KNL1: variants seen among roughly 807,000 people sequenced by gnomAD.
The protein encoded by KNL1 is kinetochore scaffold 1.
Under a neutral mutation model 201.3 loss-of-function variants are expected in KNL1, and 66 were observed. That is an observed-to-expected ratio of 0.33 (90% CI 0.27 to 0.40). The LOEUF is 0.40. Ranked by LOEUF, KNL1 falls within the 10% of genes least tolerant of loss-of-function variation. KNL1 has a pLI of 1.00. For synonymous variants in KNL1, 895 were observed against 899.2 expected (o/e 1.00, Z 0.08); for missense variants, 2,815 against 2,690.5 (o/e 1.05, Z -1.02).
At chr15:40,633,250 G>A (rs970628612) in intron 13 of KNL1, among the ~76,000 whole-genome samples, 2 of 148,794 alleles carry the variant, frequency 1.3e-5, no homozygotes, top group African/African-American at 5.0e-5. Flanking sequence ...GGCGGAGGCT[G>A]CAGTGAGCTG....
intron 21 of KNL1, among the ~76,000 whole-genome samples, chr15:40,653,444 G>C (rs996835671): frequency 6.6e-6 from 1 of 152,062 alleles, no homozygotes; most frequent in Non-Finnish European, 1.5e-5. Flanking sequence ...TGCCCACCTT[G>C]GCCTCCCAAA....
rs71104706 is a variant in KNL1 at position 40,617,975 on chromosome 15, T to TAAAAAAAAAA, written c.323-954_323-945dup. Among the ~76,000 whole-genome samples, 97 of 47,228 alleles carry TAAAAAAAAAA rather than the reference T, an allele frequency of 2.1e-3. 15 individuals carry two copies. The highest frequency in any genetic ancestry group is 2.4e-3 in the Non-Finnish European group (72 of 29,532). The allele number at this position is 47,228 out of a possible 152,430, so 31.0% of individuals were successfully genotyped here. A position where few individuals can be genotyped will look rare whatever the true frequency, so the allele number is the denominator to read the frequency against. ...CCTGAAATATAAATAAGGCTTTTAG[T>TAAAAAAAAAA]AAAAAAAAAAAAAAAAAAAAAAAAA... On this transcript the variant is annotated intron_variant, in intron 8 of 25. Transcript: ENST00000399668.
intron 1 of KNL1, among the ~76,000 whole-genome samples, chr15:40,595,536 C>T (rs1191155856): frequency 6.6e-6 from 1 of 152,136 alleles, no homozygotes; most frequent in Non-Finnish European, 1.5e-5. Flanking sequence ...ATGATAAATA[C>T]ATGTAAATTG....
chr15:40,641,785 C>G (rs970364387), intron 14 of KNL1, among the ~76,000 whole-genome samples: 3 of 152,170 alleles, frequency 2.0e-5, no homozygotes, highest in African/African-American at 7.2e-5. Flanking sequence ...ATATATAGTG[C>G]CTGAAATCAG....
chr15:40,600,327 G>C (rs1891753966), intron 1 of KNL1, among the ~76,000 whole-genome samples: 1 of 152,170 alleles, frequency 6.6e-6, no homozygotes, highest in African/African-American at 2.4e-5. Context: ...CATCCACCTT[G>C]GCCTCCCAAA....
At position 40,657,164 on chromosome 15, in the gene KNL1, T is replaced by C. The variant is rs1431662209; in HGVS notation, c.6594+13T>C. 6.6e-6 allele frequency: 10 copies of C among 1,509,898 alleles called. No individual in the cohort carries two copies. Among genetic ancestry groups the C allele is most frequent in the Non-Finnish European group, 9.1e-6 (10 of 1,102,086 alleles). 93.5% of individuals were successfully genotyped at this position (1,509,898 alleles called of 1,614,324 possible). On this transcript the variant is annotated intron_variant, in intron 23 of 25. Transcript: ENST00000399668. ...TCAGTTACCCAAGGTAAAGCCCGAT[T>C]GAAGTATTTAAAGGAAAATTTGTGA...
At chr15:40,661,126 C>T (rs774780820) in intron 25 of KNL1, among the ~76,000 whole-genome samples, 17 of 152,178 alleles carry the variant, frequency 1.1e-4, no homozygotes, top group Non-Finnish European at 1.9e-4. Flanking sequence ...GTAATCCCAG[C>T]ACTTTGGGAG....
chr15:40,629,421 TA>T (rs1458246776), intron 13 of KNL1, 50 bp downstream of exon 13: 2 of 1,190,120 alleles, frequency 1.7e-6, no homozygotes, highest in African/African-American at 1.7e-5. Context: ...AACATTTATT[TA>T]AAAGCACAAA....
chr15:40,645,580 C>A, intron 15 of KNL1, 76 bp from the exon 16 acceptor site: 1 of 678,160 alleles, frequency 1.5e-6, no homozygotes, highest in Non-Finnish European at 2.4e-6. Flanking sequence ...ATAGGCAAAG[C>A]CTAGCCTTCC....
chr15:40,602,683 C>T (rs962539480), intron 1 of KNL1, among the ~76,000 whole-genome samples: 9 of 151,608 alleles, frequency 5.9e-5, no homozygotes, highest in Admixed American at 3.9e-4. Flanking sequence ...CGGGGTTTCT[C>T]CATGTTGGTC....
chr15:40,599,123 T>A (rs1279521145), intron 1 of KNL1, among the ~76,000 whole-genome samples: 4 of 150,628 alleles, frequency 2.7e-5, no homozygotes, highest in African/African-American at 9.9e-5. Flanking sequence ...AAAAAAAATT[T>A]TTTTTAAACA....
At chr15:40,613,313 C>T (rs903173164) in intron 7 of KNL1, among the ~76,000 whole-genome samples, 1 of 152,000 alleles carries the variant, frequency 6.6e-6, no homozygotes, top group African/African-American at 2.4e-5. Flanking sequence ...TATGTAGTGA[C>T]TTATGCATAT....
chr15:40,645,111 T>A, intron 15 of KNL1, 24 bp downstream of exon 15: 1 of 1,444,964 alleles, frequency 6.9e-7, no homozygotes, highest in South Asian at 1.1e-5. Context: ...ATTTTCTGAA[T>A]GAGAATCAGT....
chr15:40,609,522 A>C (rs1892089285), intron 5 of KNL1, among the ~76,000 whole-genome samples: 1 of 152,198 alleles, frequency 6.6e-6, no homozygotes, highest in African/African-American at 2.4e-5. Flanking sequence ...CTTGAAGCTT[A>C]TTCTTAACCA....
Position 40,620,774 on chromosome 15 carries a change from A to C in KNL1, c.510A>C (p.Ile170=). Residue 170 remains isoleucine (I), a synonymous_variant, in exon 10 of 26, where the codon ATA becomes ATC. Transcript: ENST00000399668. ...MITKGLLDNP[I]SEKSTKIDTT... Reference sequence around the variant, plus strand: ...CCAAAGGCCTTTTAGATAATCCCATAAGTGAAAAGTCCACCAAGATAGATA... The same window carrying C: ...CCAAAGGCCTTTTAGATAATCCCATCAGTGAAAAGTCCACCAAGATAGATA... 6.2e-7 allele frequency: 1 copy of C among 1,613,646 alleles called. No individual in the cohort carries two copies. The highest frequency in any genetic ancestry group is 8.5e-7 in the Non-Finnish European group (1 of 1,179,760).
chr15:40,608,940 A>T, intron 5 of KNL1, 32 bp downstream of exon 5: 1 of 1,461,512 alleles, frequency 6.8e-7, no homozygotes, highest in Non-Finnish European at 9.5e-7. Context: ...CTAAAATATT[A>T]TAGGTACTGG....
intron 7 of KNL1, among the ~76,000 whole-genome samples, chr15:40,611,833 T>TA (rs1892172359): frequency 6.6e-6 from 1 of 152,136 alleles, no homozygotes; most frequent in Non-Finnish European, 1.5e-5. Flanking sequence ...CTTCAACAAA[T>TA]GAAAAGATGG....
intron 13 of KNL1, among the ~76,000 whole-genome samples, chr15:40,633,703 G>A (rs1892977583): frequency 6.6e-6 from 1 of 152,046 alleles, no homozygotes; most frequent in South Asian, 2.1e-4. Context: ...ACCACACCTG[G>A]CTAATTTTTA....
At chr15:40,644,314 A>G (rs915363007) in intron 14 of KNL1, among the ~76,000 whole-genome samples, 2 of 152,248 alleles carry the variant, frequency 1.3e-5, no homozygotes, top group Non-Finnish European at 2.9e-5. Flanking sequence ...TCAGTGGAGT[A>G]AAGAATAACA....
Sources: allele counts gnomAD v4.1 joint callset (sites outside exome capture counted in the v4.1 genomes callset), GRCh38; gene constraint gnomAD v4.1.1; transcripts MANE v1.5; gene names NCBI Gene and HGNC (gene_info 2026-07-23, HGNC 2026-07-21).